CDK14: variants seen among roughly 807,000 people sequenced by gnomAD.
CDK14 encodes the protein cyclin-dependent kinase 14.
CDK14 carries 34 observed loss-of-function variants against 60.7 expected under a neutral mutation model. The ratio of observed to expected loss-of-function variants is 0.56; its 90% CI spans 0.43 to 0.75. The LOEUF (loss-of-function observed/expected upper bound fraction) is 0.75, where lower values mean the gene tolerates loss of function less well. CDK14 is among the 30% of genes least tolerant of loss of function. The probability of loss-of-function intolerance (pLI) is 0.00; values close to 1 mark genes in which losing one functional copy is unlikely to be tolerated. For synonymous variants in CDK14, 197 were observed against 203.7 expected (o/e 0.97, Z 0.28); for missense variants, 482 against 564.1 (o/e 0.85, Z 1.47).
At chr7:90,637,343 C>G (rs1403367611) in intron 2 of CDK14, among the ~76,000 whole-genome samples, 5 of 151,762 alleles carry the variant, frequency 3.3e-5, no homozygotes, top group African/African-American at 4.8e-5. Context: ...TGTCTTTGTT[C>G]TTGTTGGTTT....
At chr7:90,769,405 G>C (rs756300179) in intron 4 of CDK14, among the ~76,000 whole-genome samples, 3 of 151,722 alleles carry the variant, frequency 2.0e-5, no homozygotes, top group Non-Finnish European at 2.9e-5. Context: ...GTGACTGTAA[G>C]GATTGACACA....
intron 6 of CDK14, among the ~76,000 whole-genome samples, chr7:90,895,020 T>C (rs970973430): frequency 2.0e-5 from 3 of 152,072 alleles, no homozygotes; most frequent in Non-Finnish European, 4.4e-5. Context: ...TTCTTGTGCT[T>C]GCCTAGTTTG....
chr7:91,096,932 G>T (rs988871524), intron 12 of CDK14, among the ~76,000 whole-genome samples: 1 of 152,036 alleles, frequency 6.6e-6, no homozygotes, highest in Admixed American at 6.6e-5. Context: ...AAAGTAAACA[G>T]CCCAAGTAAA....
At chr7:91,075,396 C>T (rs111627734) in intron 11 of CDK14, among the ~76,000 whole-genome samples, 17 of 152,200 alleles carry the variant, frequency 1.1e-4, no homozygotes, top group Admixed American at 5.9e-4. Context: ...GATGCAGAAA[C>T]GGCCTTCGAT....
intron 2 of CDK14, among the ~76,000 whole-genome samples, chr7:90,698,692 G>A (rs753884370): frequency 6.6e-6 from 1 of 152,126 alleles, no homozygotes; most frequent in Non-Finnish European, 1.5e-5. Context: ...CTCTTTATTT[G>A]AAGAGTTATT....
intron 1 of CDK14, among the ~76,000 whole-genome samples, chr7:90,597,928 C>CT (rs1400688831): frequency 6.7e-6 from 1 of 148,634 alleles, no homozygotes; most frequent in African/African-American, 2.5e-5. Flanking sequence ...TGAAACCAAT[C>CT]TTTAGTTTTA....
At chr7:90,925,051 T>A (rs1197040589) in intron 8 of CDK14, among the ~76,000 whole-genome samples, 1 of 152,226 alleles carries the variant, frequency 6.6e-6, no homozygotes, top group Non-Finnish European at 1.5e-5. Context: ...ACTTTTTTTT[T>A]ATTTTTACCA....
chr7:90,755,748 T>C (rs1266082808), intron 4 of CDK14, among the ~76,000 whole-genome samples: 1 of 152,186 alleles, frequency 6.6e-6, no homozygotes, highest in Non-Finnish European at 1.5e-5. Flanking sequence ...GTCAAAGTAA[T>C]GGTCTAAATG....
intron 5 of CDK14, among the ~76,000 whole-genome samples, chr7:90,837,487 A>G (rs1584030074): frequency 2.6e-5 from 4 of 152,110 alleles, no homozygotes; most frequent in Admixed American, 6.5e-5. Context: ...ATAAAATTCT[A>G]GACAGCAGAA....
chr7:90,915,296 G>A (rs896354336), intron 7 of CDK14, among the ~76,000 whole-genome samples: 1 of 152,132 alleles, frequency 6.6e-6, no homozygotes, highest in African/African-American at 2.4e-5. Flanking sequence ...AAAATTAGCT[G>A]GGCGTGGTGG....
rs141079108 is a variant in CDK14 at position 91,147,715 on chromosome 7, G to C, written c.*28+29507G>C. Among the ~76,000 whole-genome samples the C allele has an allele frequency of 1.6e-3, 246 of 152,128 alleles. 1 individual carries two copies. The highest frequency in any genetic ancestry group is 5.6e-3 in the African/African-American group (232 of 41,496). On this transcript the variant is annotated intron_variant, in intron 14 of 14. Transcript: ENST00000380050. ...TTTGAAGTGGAGCTGTGAGTCCCAG[G>C]ATTCAAACCAAACTCTTTCCCCCCT...
chr7:90,846,770 A>G (rs974901541), intron 5 of CDK14, among the ~76,000 whole-genome samples: 1 of 152,136 alleles, frequency 6.6e-6, no homozygotes, highest in Non-Finnish European at 1.5e-5. Context: ...TCACTTGGAA[A>G]GGATGAAAAT....
intron 4 of CDK14, among the ~76,000 whole-genome samples, chr7:90,755,147 A>G (rs1361888369): frequency 6.6e-6 from 1 of 152,174 alleles, no homozygotes; most frequent in Non-Finnish European, 1.5e-5. Context: ...TGTTCTACCA[A>G]AAAGACACAT....
chr7:90,943,657 T>C (rs558181632), intron 8 of CDK14, among the ~76,000 whole-genome samples: 10 of 152,226 alleles, frequency 6.6e-5, no homozygotes, highest in Non-Finnish European at 1.5e-4. Context: ...CATAAACATA[T>C]TAAAGTATTT....
chr7:91,085,084 A>G (rs1286036869), intron 12 of CDK14, among the ~76,000 whole-genome samples: 1 of 152,338 alleles, frequency 6.6e-6, no homozygotes, highest in East Asian at 1.9e-4. Context: ...GACTGCCATA[A>G]CAAATTACCA....
In CDK14 at chr7:90,982,152, C is replaced by T. The variant is rs559091179; in HGVS notation, c.948-1996C>T. On this transcript the variant is annotated intron_variant, in intron 9 of 14. Coordinates refer to ENST00000380050, the MANE Select transcript of CDK14 (RefSeq NM_001287135.2). ...ACTGTGAGCATGGCAGGTCAAGCTG[C>T]GAAAGAATGTCGAGCATGGTAGATG... Among the ~76,000 whole-genome samples, 17 of 152,116 alleles carry T rather than the reference C, an allele frequency of 1.1e-4. No individual in the cohort carries two copies. The East Asian group carries it at 2.5e-3, about 22-fold the overall frequency.
chr7:90,686,367 GAGA>G (rs1801436397), intron 2 of CDK14, among the ~76,000 whole-genome samples: 2 of 152,260 alleles, frequency 1.3e-5, no homozygotes, highest in South Asian at 2.1e-4. Context: ...TTAATTCAGC[GAGA>G]AGAAGTCTTG....
intron 4 of CDK14, among the ~76,000 whole-genome samples, chr7:90,769,190 G>A (rs1312542409): frequency 6.6e-6 from 1 of 152,158 alleles, no homozygotes; most frequent in Non-Finnish European, 1.5e-5. Flanking sequence ...TATCTAAGGT[G>A]CTATTATGGA....
chr7:90,665,085 G>A (rs1800947469), intron 2 of CDK14, among the ~76,000 whole-genome samples: 1 of 151,984 alleles, frequency 6.6e-6, no homozygotes, highest in African/African-American at 2.4e-5. Context: ...TTCGAGACCA[G>A]CCTGGCCAAC....
Sources: gnomAD v4.1 joint callset for allele counts (sites outside exome capture counted in the v4.1 genomes callset) on GRCh38, gnomAD v4.1.1 for gene constraint, MANE v1.5 for transcripts, NCBI Gene and HGNC (gene_info 2026-07-23, HGNC 2026-07-21) for gene names.